Variants in PDE1C observed in about 807,000 individuals in gnomAD.
The protein encoded by PDE1C is dual specificity calcium/calmodulin-dependent 3',5'-cyclic nucleotide phosphodiesterase 1C.
PDE1C carries 62 observed loss-of-function variants against 93.1 expected under a neutral mutation model. The observed-to-expected ratio is 0.67, with a 90% confidence interval of 0.54 to 0.82. The LOEUF (loss-of-function observed/expected upper bound fraction) is 0.82, where lower values mean the gene tolerates loss of function less well. PDE1C is among the 40% of genes least tolerant of loss of function. PDE1C has a pLI of 0.00. For missense variants in PDE1C, 742 were observed against 884.6 expected (o/e 0.84, Z 2.04); for synonymous variants, 325 against 310.1 (o/e 1.05, Z -0.50).
chr7:31,675,916 A>G, the PDE1C span, among the ~76,000 whole-genome samples: 1 of 152,182 alleles, frequency 6.6e-6, no homozygotes, highest in African/African-American at 2.4e-5. Flanking sequence ...CAAGGTATCC[A>G]TCTGAAGATC....
At chr7:31,699,643 T>G in the PDE1C span, among the ~76,000 whole-genome samples, 1 of 150,530 alleles carries the variant, frequency 6.6e-6, no homozygotes, top group Non-Finnish European at 1.5e-5. Flanking sequence ...TATTGGTGGT[T>G]TTTTTTTTAA....
chr7:31,709,472 T>A, the PDE1C span, among the ~76,000 whole-genome samples: 1 of 152,224 alleles, frequency 6.6e-6, no homozygotes, highest in Non-Finnish European at 1.5e-5. Flanking sequence ...GTTTGCACGG[T>A]GTTTTTTCTA....
At chr7:32,296,618 C>G (rs1338037565) in intron 1 of PDE1C, among the ~76,000 whole-genome samples, 1 of 152,084 alleles carries the variant, frequency 6.6e-6, no homozygotes, top group African/African-American at 2.4e-5. Context: ...TCTGCTAGAC[C>G]AACTCTTCTA....
intron 1 of PDE1C, among the ~76,000 whole-genome samples, chr7:32,307,705 T>C (rs1056471121): frequency 1.3e-5 from 2 of 152,156 alleles, no homozygotes; most frequent in Admixed American, 6.6e-5. Flanking sequence ...TCAAAGCACC[T>C]GAGCCTACCA....
chr7:32,316,141 A>G (rs1396872542), intron 1 of PDE1C, among the ~76,000 whole-genome samples: 2 of 152,216 alleles, frequency 1.3e-5, no homozygotes, highest in Admixed American at 6.5e-5. Context: ...GATGTATCCC[A>G]AACACCTAGA....
At chr7:32,321,596 T>C (rs1245677008) in intron 1 of PDE1C, among the ~76,000 whole-genome samples, 2 of 152,242 alleles carry the variant, frequency 1.3e-5, no homozygotes, top group Admixed American at 1.3e-4. Context: ...TTCAATTAAT[T>C]AAAATCCATT....
At chr7:31,640,213 A>G in the PDE1C span, among the ~76,000 whole-genome samples, 1 of 152,170 alleles carries the variant, frequency 6.6e-6, no homozygotes, top group Non-Finnish European at 1.5e-5. Flanking sequence ...TGTCCTGTGA[A>G]ATAGGAGGTT....
intron 1 of PDE1C, among the ~76,000 whole-genome samples, chr7:32,339,959 G>A (rs1783716275): frequency 1.3e-5 from 2 of 152,218 alleles, no homozygotes; most frequent in African/African-American, 4.8e-5. Flanking sequence ...CCCGTGAGCA[G>A]GTGCAGAGTT....
chr7:32,059,784 A>G (rs1279930646), intron 1 of PDE1C, among the ~76,000 whole-genome samples: 2 of 152,232 alleles, frequency 1.3e-5, no homozygotes, highest in Non-Finnish European at 2.9e-5. Context: ...GCACCAAGGA[A>G]AAAACAGGGA....
chr7:31,616,817 A>G, the PDE1C span, among the ~76,000 whole-genome samples: 27 of 152,176 alleles, frequency 1.8e-4, no homozygotes, highest in African/African-American at 6.3e-4. Context: ...TAAAAACATT[A>G]GATTGTGATT....
chr7:31,656,001 C>T, the PDE1C span: 1 of 985,180 alleles, frequency 1.0e-6, no homozygotes. Context: ...TTCCTGCTTC[C>T]TCTCCTTTGC....
At chr7:31,657,991 T>C in the PDE1C span, among the ~76,000 whole-genome samples, 2 of 152,322 alleles carry the variant, frequency 1.3e-5, no homozygotes, top group Non-Finnish European at 2.9e-5. Flanking sequence ...CCAGATTCCA[T>C]TTATTCAAAG....
chr7:31,784,619 A>C (rs1179141510), intron 16 of PDE1C: 1 of 152,064 alleles, frequency 6.6e-6, no homozygotes, highest in Non-Finnish European at 1.5e-5. Flanking sequence ...TGGGAGGAAA[A>C]AAAAAGGAAA....
chr7:31,659,717 C>G, the PDE1C span, among the ~76,000 whole-genome samples: 5 of 152,182 alleles, frequency 3.3e-5, no homozygotes, highest in African/African-American at 1.2e-4. Context: ...GTCTGATGGT[C>G]TGCTTCTGAA....
chr7:32,411,675 A>G (rs1785173618), intron 1 of PDE1C, among the ~76,000 whole-genome samples: 1 of 152,140 alleles, frequency 6.6e-6, no homozygotes, highest in Admixed American at 6.6e-5. Context: ...AGGCGACACT[A>G]AATTTGTTTT....
intron 3 of PDE1C, among the ~76,000 whole-genome samples, chr7:32,147,272 A>AAGAAAGAAGGAAAGAAAGAAAG (rs3078680): frequency 3.1e-5 from 3 of 96,610 alleles, no homozygotes; most frequent in African/African-American, 3.8e-5. Context: ...AAGAAAGAAA[A>AAGAAAGAAGGAAAGAAAGAAAG]AAAGAAAGAA....
chr7:32,205,659 C>T (rs182351557), intron 2 of PDE1C, among the ~76,000 whole-genome samples: 1 of 152,168 alleles, frequency 6.6e-6, no homozygotes, highest in East Asian at 1.9e-4. Context: ...TGTTCCTTCC[C>T]CCTTTGCAAT....
chr7:32,194,257 A>G (rs972482818), intron 2 of PDE1C, among the ~76,000 whole-genome samples: 10 of 152,182 alleles, frequency 6.6e-5, no homozygotes, highest in Admixed American at 1.3e-4. Flanking sequence ...GTCATCAAAT[A>G]TATCTGTGTA....
At chr7:32,069,735 C>T (rs569165393) in intron 1 of PDE1C, among the ~76,000 whole-genome samples, 1 of 151,982 alleles carries the variant, frequency 6.6e-6, no homozygotes, top group South Asian at 2.1e-4. Context: ...ATCGTTTCTG[C>T]CCCCCCTTTC....
Sources: allele counts gnomAD v4.1 joint callset (sites outside exome capture counted in the v4.1 genomes callset), GRCh38; gene constraint gnomAD v4.1.1; transcripts MANE v1.5; gene names NCBI Gene and HGNC (gene_info 2026-07-23, HGNC 2026-07-21).